Variants in SDK1 observed in about 807,000 individuals in gnomAD.
SDK1 encodes the protein sidekick cell adhesion molecule 1.
In SDK1, 157 loss-of-function variants were observed where a neutral mutation model predicts 245.5. The observed-to-expected ratio is 0.64, with a 90% confidence interval of 0.56 to 0.73. SDK1 has a LOEUF of 0.73. Ranked by LOEUF, SDK1 falls within the 30% of genes least tolerant of loss-of-function variation. The probability of loss-of-function intolerance (pLI) is 0.00; values close to 1 mark genes in which losing one functional copy is unlikely to be tolerated. For missense variants in SDK1, 3,583 were observed against 3,002.3 expected (o/e 1.19, Z -4.52); for synonymous variants, 1,647 against 1,278.5 (o/e 1.29, Z -6.15).
intron 4 of SDK1, among the ~76,000 whole-genome samples, chr7:3,733,452 G>A (rs947267202): frequency 6.0e-4 from 91 of 152,234 alleles, no homozygotes; most frequent in African/African-American, 1.9e-3. Context: ...TGCTTTAACC[G>A]GATTCATACA....
chr7:3,403,890 T>C (rs532619185), intron 1 of SDK1, among the ~76,000 whole-genome samples: 1 of 134,086 alleles, frequency 7.5e-6, no homozygotes, highest in Non-Finnish European at 1.6e-5. Context: ...TTATTTATAT[T>C]ATATATATAT....
At chr7:3,605,139 A>AT (rs1009503491) in intron 1 of SDK1, among the ~76,000 whole-genome samples, 21 of 71,282 alleles carry the variant, frequency 2.9e-4, no homozygotes, top group African/African-American at 1.7e-3. Flanking sequence ...GAAAAAAAAA[A>AT]CAAGAAACAC....
At chr7:3,930,499 A>T (rs1006226639) in intron 5 of SDK1, among the ~76,000 whole-genome samples, 1 of 152,256 alleles carries the variant, frequency 6.6e-6, no homozygotes, top group Non-Finnish European at 1.5e-5. Context: ...CGTGGCTTCC[A>T]GTAATGAAAG....
At chr7:3,330,054 G>C (rs1054433101) in intron 1 of SDK1, among the ~76,000 whole-genome samples, 2 of 152,166 alleles carry the variant, frequency 1.3e-5, no homozygotes, top group Non-Finnish European at 2.9e-5. Flanking sequence ...TGGCTAAATA[G>C]TATTTCATTG....
chr7:3,621,351 A>C (rs1583236643), intron 2 of SDK1, among the ~76,000 whole-genome samples: 1 of 152,306 alleles, frequency 6.6e-6, no homozygotes, highest in East Asian at 1.9e-4. Flanking sequence ...TTCCATTGGA[A>C]AAATGAGTAC....
intron 4 of SDK1, among the ~76,000 whole-genome samples, chr7:3,800,139 C>A (rs1779069536): frequency 6.6e-6 from 1 of 152,102 alleles, no homozygotes; most frequent in African/African-American, 2.4e-5. Flanking sequence ...ATTTCATATC[C>A]TGGCATACTG....
intron 5 of SDK1, among the ~76,000 whole-genome samples, chr7:3,904,165 T>A (rs1781886357): frequency 6.6e-6 from 1 of 152,202 alleles, no homozygotes; most frequent in South Asian, 2.1e-4. Flanking sequence ...AACATTATGC[T>A]GAGTGAAAGA....
At chr7:3,629,360 G>A (rs897844384) in intron 2 of SDK1, among the ~76,000 whole-genome samples, 58 of 152,028 alleles carry the variant, frequency 3.8e-4, no homozygotes, top group African/African-American at 1.4e-3. Flanking sequence ...AAAGAATGCT[G>A]GAATCCTCCA....
chr7:3,645,426 C>T (rs1782800836), intron 4 of SDK1, among the ~76,000 whole-genome samples: 1 of 152,156 alleles, frequency 6.6e-6, no homozygotes. Flanking sequence ...TAAGTACCTG[C>T]TGTGCAAGAT....
At chr7:3,882,012 C>G (rs1246501377) in intron 5 of SDK1, among the ~76,000 whole-genome samples, 1 of 152,094 alleles carries the variant, frequency 6.6e-6, no homozygotes, top group African/African-American at 2.4e-5. Flanking sequence ...CTCACAGTTC[C>G]ACATAGCTGG....
At chr7:3,954,965 T>A (rs896589010) in intron 7 of SDK1, among the ~76,000 whole-genome samples, 1 of 152,082 alleles carries the variant, frequency 6.6e-6, no homozygotes, top group Admixed American at 6.5e-5. Context: ...AAACCATTTT[T>A]TTTTTCCTTG....
At chr7:3,602,640 G>A (rs868092906) in intron 1 of SDK1, among the ~76,000 whole-genome samples, 4 of 151,736 alleles carry the variant, frequency 2.6e-5, no homozygotes, top group Middle Eastern at 6.8e-3. Flanking sequence ...TGTTCACTCT[G>A]ATGTTAGTTT....
At chr7:3,376,879 A>G (rs999099592) in intron 1 of SDK1, among the ~76,000 whole-genome samples, 3 of 150,402 alleles carry the variant, frequency 2.0e-5, no homozygotes, top group Admixed American at 6.6e-5. Context: ...TTCCCCTTCT[A>G]TTGTCTCTCT....
rs767434692 is a variant in SDK1, at chr7:4,049,348, T to C, written c.2603T>C (p.Val868Ala). 1.2e-6 allele frequency: 2 copies of C among 1,613,522 alleles called. No homozygotes were observed. The highest frequency in any genetic ancestry group is 1.7e-6 in the Non-Finnish European group (2 of 1,179,636). The part of the protein sequence containing the change: ...RAVTEYTLQG[V>A]PTAPPQNVQT... ...GTCATCAATGACTGCCCTGCCACAGTGCCCACCGCGCCCCCGCAGAACGTG... is the reference window on the plus strand; with the variant it reads ...GTCATCAATGACTGCCCTGCCACAGCGCCCACCGCGCCCCCGCAGAACGTG... The change falls in exon 18 of 45, where the codon GTG becomes GCG. Residue 868 changes from valine to alanine, a missense_variant and splice_region_variant. Physicochemically the swap from Val to Ala is moderately conservative, Grantham distance 64. Coordinates refer to ENST00000404826, the MANE Select transcript of SDK1 (RefSeq NM_152744.4).
intron 5 of SDK1, among the ~76,000 whole-genome samples, chr7:3,932,305 C>T (rs1780004766): frequency 6.6e-6 from 1 of 152,182 alleles, no homozygotes; most frequent in African/African-American, 2.4e-5. Flanking sequence ...ACAGCCTCCG[C>T]CTGGTGCTCC....
chr7:3,613,409 T>A (rs896424343), intron 1 of SDK1, among the ~76,000 whole-genome samples: 1 of 152,206 alleles, frequency 6.6e-6, no homozygotes, highest in Non-Finnish European at 1.5e-5. Context: ...CATCTTCACA[T>A]AAAATTATGA....
At chr7:3,829,407 A>G (rs560067169) in intron 5 of SDK1, among the ~76,000 whole-genome samples, 1 of 152,274 alleles carries the variant, frequency 6.6e-6, no homozygotes, top group South Asian at 2.1e-4. Context: ...ATCGTCACGT[A>G]TATTTTCCTT....
chr7:3,686,596 T>C (rs922091609), intron 4 of SDK1, among the ~76,000 whole-genome samples: 2 of 150,612 alleles, frequency 1.3e-5, no homozygotes, highest in African/African-American at 4.9e-5. Context: ...AATCTAAATA[T>C]GCAGGTACTA....
At position 4,081,455 on chromosome 7, in the gene SDK1, C is replaced by T. The variant is rs552802094; in HGVS notation, c.3324+1871C>T. ...TTTTTTTTTGAGACAGAATCTTGCT[C>T]TGTCGCCAAGCTGGAGTGCAGTGGC... On this transcript the variant is annotated intron_variant, in intron 22 of 44. Transcript: ENST00000404826. 2.0e-5 allele frequency among the ~76,000 whole-genome samples: 3 copies of T among 151,714 alleles called. No individual in the cohort carries two copies. The South Asian group carries it at 6.3e-4, about 32-fold the overall frequency.
Sources: gnomAD v4.1 joint callset for allele counts (sites outside exome capture counted in the v4.1 genomes callset) on GRCh38, gnomAD v4.1.1 for gene constraint, MANE v1.5 for transcripts, NCBI Gene and HGNC (gene_info 2026-07-23, HGNC 2026-07-21) for gene names.